ELMOD1: variants seen among roughly 807,000 people sequenced by gnomAD.
ELMOD1 encodes ELMO domain-containing protein 1.
In ELMOD1, 21 loss-of-function variants were observed where a neutral mutation model predicts 46.7. That is an observed-to-expected ratio of 0.45 (90% CI 0.32 to 0.65). The LOEUF is 0.65. Among genes scored for constraint, ELMOD1 ranks in the 30% least tolerant of loss-of-function variants. The probability of loss-of-function intolerance (pLI) is 0.04; values close to 1 mark genes in which losing one functional copy is unlikely to be tolerated. For missense variants in ELMOD1, 348 were observed against 407.8 expected (o/e 0.85, Z 1.26); for synonymous variants, 122 against 138.2 (o/e 0.88, Z 0.82).
At chr11:107,619,706 A>T (rs954989888) in intron 2 of ELMOD1, among the ~76,000 whole-genome samples, 41 of 152,222 alleles carry the variant, frequency 2.7e-4, no homozygotes, top group African/African-American at 8.9e-4. Flanking sequence ...ATAGGTGCAC[A>T]AAGAGTACAT....
At chr11:107,626,660 C>CTTTCTT (rs1866049432) in intron 2 of ELMOD1, among the ~76,000 whole-genome samples, 1 of 125,316 alleles carries the variant, frequency 8.0e-6, no homozygotes. Flanking sequence ...CTTTCTTTTT[C>CTTTCTT]TTTCTTTCTT....
At chr11:107,643,744 T>C in intron 6 of ELMOD1, 1 of 490,492 alleles carries the variant, frequency 2.0e-6, no homozygotes, top group Non-Finnish European at 4.2e-6. Flanking sequence ...TGGAGCAATC[T>C]TGACTCTTAT....
At chr11:107,608,251 ACTT>A (rs1003195338) in intron 1 of ELMOD1, among the ~76,000 whole-genome samples, 17 of 152,240 alleles carry the variant, frequency 1.1e-4, no homozygotes, top group Middle Eastern at 3.4e-3. Flanking sequence ...GGACCATGGA[ACTT>A]CTTCTGCTTT....
At chr11:107,632,895 G>T (rs1036897748) in intron 5 of ELMOD1, among the ~76,000 whole-genome samples, 1 of 152,032 alleles carries the variant, frequency 6.6e-6, no homozygotes, top group Non-Finnish European at 1.5e-5. Flanking sequence ...ACCCTTTTAG[G>T]TTCAGGTTGA....
chr11:107,596,711 A>C (rs1468156848), intron 1 of ELMOD1, among the ~76,000 whole-genome samples: 1 of 152,180 alleles, frequency 6.6e-6, no homozygotes, highest in Non-Finnish European at 1.5e-5. Context: ...TAGAATTTTG[A>C]CTTTCATATT....
At chr11:107,619,624 G>A (rs1003038712) in intron 2 of ELMOD1, among the ~76,000 whole-genome samples, 4 of 152,172 alleles carry the variant, frequency 2.6e-5, no homozygotes. Flanking sequence ...AGAAAAACTT[G>A]AGCAGCCTCA....
chr11:107,593,959 T>G (rs1294146852), intron 1 of ELMOD1, among the ~76,000 whole-genome samples: 2 of 152,186 alleles, frequency 1.3e-5, no homozygotes, highest in African/African-American at 4.8e-5. Flanking sequence ...AAATAACTCA[T>G]GCTTAAAAGT....
intron 5 of ELMOD1, 136 bp downstream of exon 5, chr11:107,631,813 T>A: frequency 1.9e-6 from 1 of 514,782 alleles, no homozygotes; most frequent in Non-Finnish European, 3.4e-6. Flanking sequence ...GACTTTCAGA[T>A]GAGGAATAAA....
intron 1 of ELMOD1, among the ~76,000 whole-genome samples, chr11:107,603,175 G>T (rs1400940029): frequency 1.3e-5 from 2 of 152,190 alleles, no homozygotes; most frequent in Non-Finnish European, 2.9e-5. Flanking sequence ...TCTGCTGATA[G>T]AATGGAGAGG....
chr11:107,620,180 T>C lies in ELMOD1; in HGVS notation c.17+1974T>C, dbSNP rs564704431. ...GGAGAATGAGGAGCTGACTTTTCAC[T>C]GGGAAGAATTCAGCATTATTTAAAA... On this transcript the variant is annotated intron_variant, in intron 2 of 11. Coordinates refer to ENST00000265840, the MANE Select transcript of ELMOD1 (RefSeq NM_018712.4). 66 of 152,282 alleles carry C rather than the reference T, an allele frequency of 4.3e-4. No homozygotes were observed. In the East Asian group the frequency reaches 0.013, roughly 29 times the overall value. 9.4% of individuals were successfully genotyped at this position (152,282 alleles called of 1,614,324 possible).
At chr11:107,639,663 A>G (rs1458825069) in intron 6 of ELMOD1, among the ~76,000 whole-genome samples, 1 of 152,206 alleles carries the variant, frequency 6.6e-6, no homozygotes, top group Non-Finnish European at 1.5e-5. Context: ...TTCAGTTCAC[A>G]GTGAAGAGAG....
chr11:107,642,228 C>A (rs1045413668), intron 6 of ELMOD1, among the ~76,000 whole-genome samples: 1 of 152,122 alleles, frequency 6.6e-6, no homozygotes, highest in African/African-American at 2.4e-5. Flanking sequence ...AGGCCTGAGC[C>A]ACCGCACGTG....
chr11:107,646,504 G>A (rs181909027), intron 6 of ELMOD1, among the ~76,000 whole-genome samples: 37 of 152,224 alleles, frequency 2.4e-4, no homozygotes, highest in African/African-American at 8.2e-4. Context: ...GGAGGCCGAG[G>A]CAGGCAGATC....
intron 10 of ELMOD1, among the ~76,000 whole-genome samples, chr11:107,655,573 C>CTGTTTTTTTTTT (rs1866613746): frequency 8.9e-6 from 1 of 112,470 alleles, no homozygotes; most frequent in Admixed American, 1.1e-4. Flanking sequence ...ATTGAAATGC[C>CTGTTTTTTTTTT]TTTTTTTTTT....
chr11:107,613,315 C>G (rs2135668659), intron 1 of ELMOD1, among the ~76,000 whole-genome samples: 1 of 152,238 alleles, frequency 6.6e-6, no homozygotes. Flanking sequence ...TAGAACAATC[C>G]TACAAGCTAA....
At chr11:107,645,089 A>ATTTTTTT (rs11390120) in intron 6 of ELMOD1, among the ~76,000 whole-genome samples, 6 of 103,206 alleles carry the variant, frequency 5.8e-5, no homozygotes, top group Admixed American at 2.3e-4. Flanking sequence ...TGCCTGGCTA[A>ATTTTTTT]TTTTTTTTTT....
At position 107,666,269 on chromosome 11, in the gene ELMOD1, A is replaced by G. The variant is rs1239023156; in HGVS notation, c.*1072A>G. 1 of 152,218 alleles carries G rather than the reference A, an allele frequency of 6.6e-6. No homozygotes were observed. Among genetic ancestry groups the G allele is most frequent in the Non-Finnish European group, 1.5e-5 (1 of 68,040 alleles). 9.4% of individuals were successfully genotyped at this position (152,218 alleles called of 1,614,324 possible). ...TTGAAGCCTCAGAAAAGAAATAAGC[A>G]TATTTCAAAAGCTGCAAAAGGTTTT... On this transcript the variant is annotated 3_prime_UTR_variant, in exon 12 of 12. Transcript: ENST00000265840.
rs1167189221 is a variant in ELMOD1, at chr11:107,591,332, A to C, written c.-163A>C. 1 of 152,274 alleles carries C rather than the reference A, an allele frequency of 6.6e-6. No individual in the cohort carries two copies. The highest frequency in any genetic ancestry group is 1.5e-5 in the Non-Finnish European group (1 of 68,212). 9.4% of individuals were successfully genotyped at this position (152,274 alleles called of 1,614,324 possible). A position where few individuals can be genotyped will look rare whatever the true frequency, so the allele number is the denominator to read the frequency against. ...TCGCCGCCGCGGAGCGCGTAGCCGG[A>C]GCGCCTGGGGAAGGCGGAGATGAAG... On this transcript the variant is annotated 5_prime_UTR_variant, in exon 1 of 12. Coordinates refer to ENST00000265840, the MANE Select transcript of ELMOD1 (RefSeq NM_018712.4).
At chr11:107,624,999 C>T (rs919972493) in intron 2 of ELMOD1, among the ~76,000 whole-genome samples, 2 of 152,252 alleles carry the variant, frequency 1.3e-5, no homozygotes, top group East Asian at 1.9e-4. Flanking sequence ...ACTATCTGGG[C>T]GTGGGATCTT....
Sources: allele counts gnomAD v4.1 joint callset (sites outside exome capture counted in the v4.1 genomes callset), GRCh38; gene constraint gnomAD v4.1.1; transcripts MANE v1.5; gene names NCBI Gene and HGNC (gene_info 2026-07-23, HGNC 2026-07-21).